Variants in LOXL3 observed in about 807,000 individuals in gnomAD.
The protein encoded by LOXL3 is lysyl oxidase like 3.
LOXL3 carries 60 observed loss-of-function variants against 91.8 expected under a neutral mutation model. The observed-to-expected ratio is 0.65, with a 90% CI of 0.53 to 0.81. LOXL3 has a LOEUF of 0.81. Among genes scored for constraint, LOXL3 ranks in the 30% least tolerant of loss-of-function variants. The pLI, the probability that LOXL3 is intolerant of heterozygous loss-of-function variation, is 0.00. For synonymous variants in LOXL3, 355 were observed against 387.6 expected, an observed-to-expected ratio of 0.92 and a Z score of 0.99; for missense variants, 874 against 1,000.4, an observed-to-expected ratio of 0.87 and a Z score of 1.70.
chr2:74,540,467 G>T (rs1676263767), intron 4 of LOXL3, among the ~76,000 whole-genome samples: 1 of 152,074 alleles, frequency 6.6e-6, no homozygotes, highest in Non-Finnish European at 1.5e-5. Flanking sequence ...CATTGTTCAG[G>T]CCTGAGGCCG....
Position 74,548,304 on chromosome 2 carries a change from T to A in LOXL3, c.692+1065A>T, listed in dbSNP as rs1182412395. Among the ~76,000 whole-genome samples the A allele has an allele frequency of 3.9e-5, 6 of 152,194 alleles. No individual in the cohort carries two copies. The East Asian group carries it at 1.2e-3, about 29-fold the overall frequency. On this transcript the variant is annotated intron_variant, in intron 4 of 13. Transcript: ENST00000264094. ...TCAAAACAAATGTAATAGGTAAACGTCACCTATACCTGGGTTGGAAAAGGC... is the reference window on the plus strand; with the variant it reads ...TCAAAACAAATGTAATAGGTAAACGACACCTATACCTGGGTTGGAAAAGGC...
Position 74,549,495 on chromosome 2 carries a change from A to T in LOXL3, c.566T>A (p.Val189Glu), listed in dbSNP as rs1367577170. 1 of 1,613,208 alleles carries T rather than the reference A, an allele frequency of 6.2e-7. No homozygotes were observed. Among genetic ancestry groups the T allele is most frequent in the Non-Finnish European group, 8.5e-7 (1 of 1,179,854 alleles). Residue 189 changes from valine to glutamate, a missense_variant, in exon 4 of 14, where the codon GTG becomes GAG. Physicochemically the swap from Val to Glu is moderately radical, Grantham distance 121. Coordinates refer to ENST00000264094, the MANE Select transcript of LOXL3 (RefSeq NM_032603.5). This position sits in a 1 kb window ranked among gnomAD's most constrained non-coding sequence, Gnocchi z 5.3. ...RRPLPVTEGLVEVRLPDGWSQ... is the reference protein window; with the variant it reads ...RRPLPVTEGLEEVRLPDGWSQ... Reference sequence around the variant, plus strand: ...CCAGCCGTCAGGAAGCCTGACTTCCACCAGCCCCTCCGTCACGGGCAGGGG... The same window carrying T: ...CCAGCCGTCAGGAAGCCTGACTTCCTCCAGCCCCTCCGTCACGGGCAGGGG...
upstream of LOXL3, chr2:74,555,302 G>A: frequency 6.2e-7 from 1 of 1,614,132 alleles, no homozygotes; most frequent in Non-Finnish European, 8.5e-7. This position sits in a 1 kb window ranked among gnomAD's most constrained non-coding sequence, Gnocchi z 6.1. Context: ...CTGGCTGAGT[G>A]TGTGAGTGTG....
At chr2:74,554,638 C>T (rs907128302), upstream of LOXL3, 3 of 983,300 alleles carry the variant, frequency 3.1e-6, no homozygotes, top group Admixed American at 5.0e-5. The surrounding 1 kb of genome is among the most constrained non-coding windows in gnomAD (Gnocchi z 4.9). Flanking sequence ...GCGACCCCCC[C>T]AGCGGCTGCC....
At position 74,535,175 on chromosome 2, in the gene LOXL3, C is replaced by A. The variant is rs974212323; in HGVS notation, c.1579+117G>T. ...TACAGGCGTGAGCCACTGCACCCGG[C>A]GAAACTGGCTCTTTTATGGGGAAGA... is the stretch of plus-strand genomic sequence containing the variant. On this transcript the variant is annotated intron_variant, in intron 9 of 13. Coordinates refer to ENST00000264094, the MANE Select transcript of LOXL3 (RefSeq NM_032603.5). The surrounding 1 kb of genome is among the most constrained non-coding windows in gnomAD (Gnocchi z 4.2). 3.3e-6 allele frequency: 4 copies of A among 1,221,296 alleles called. No homozygotes were observed. In the East Asian group the frequency reaches 1.0e-4, roughly 30 times the overall value. The allele number at this position is 1,221,296 out of a possible 1,614,324, so 75.7% of individuals were successfully genotyped here.
At position 74,552,623 on chromosome 2, in the gene LOXL3, G is replaced by A; in HGVS notation, c.12C>T (p.Val4=). 6.4e-7 allele frequency: 1 copy of A among 1,562,494 alleles called. No individual in the cohort carries two copies. Among genetic ancestry groups the A allele is most frequent in the Middle Eastern group, 1.7e-4 (1 of 5,942 alleles). The change falls in exon 2 of 14, where the codon GTC becomes GTT. Residue 4 remains valine, a synonymous_variant. Coordinates refer to ENST00000264094, the MANE Select transcript of LOXL3 (RefSeq NM_032603.5). ...CCCAGGGGCTCCACTGCCAGACACT[G>A]ACAGGTCGCATGGCAGGGAAGGCCT... MRP[V]SVWQWSPWGL... is the part of the protein sequence containing the mutation.
At chr2:74,548,223 A>C (rs2104435208) in intron 4 of LOXL3, among the ~76,000 whole-genome samples, 1 of 152,368 alleles carries the variant, frequency 6.6e-6, no homozygotes, top group Non-Finnish European at 1.5e-5. Flanking sequence ...TCACATCAGG[A>C]CTCAAGATAA....
At position 74,535,886 on chromosome 2, in the gene LOXL3, A is replaced by C. The variant is rs1381890744; in HGVS notation, c.1248+110T>G. On this transcript the variant is annotated intron_variant, in intron 7 of 13. Coordinates refer to ENST00000264094, the MANE Select transcript of LOXL3 (RefSeq NM_032603.5). This position sits in a 1 kb window ranked among gnomAD's most constrained non-coding sequence, Gnocchi z 4.2. ...AAGTGATGGGTCAGGTGGGAGCTGCAGGAGGGCAGGGGCCTGGGGCAATGG... is the reference window on the plus strand; with the variant it reads ...AAGTGATGGGTCAGGTGGGAGCTGCCGGAGGGCAGGGGCCTGGGGCAATGG... The C allele has an allele frequency of 6.8e-7, 1 of 1,475,938 alleles. No individual in the cohort carries two copies. Among genetic ancestry groups the C allele is most frequent in the Non-Finnish European group, 9.0e-7 (1 of 1,107,052 alleles). 91.4% of individuals were successfully genotyped at this position (1,475,938 alleles called of 1,614,324 possible). A position where few individuals can be genotyped will look rare whatever the true frequency, so the allele number is the denominator to read the frequency against.
chr2:74,532,523 A>G lies in LOXL3; in HGVS notation c.*1083T>C, dbSNP rs1204099658. On this transcript the variant is annotated 3_prime_UTR_variant, in exon 14 of 14. Coordinates refer to ENST00000264094, the MANE Select transcript of LOXL3 (RefSeq NM_032603.5). Reference sequence around the variant, plus strand: ...GTAGTACCTAGCCCATGTCCTGTCCATATATTTATCAATGTGTTGATGAGA... The same window carrying G: ...GTAGTACCTAGCCCATGTCCTGTCCGTATATTTATCAATGTGTTGATGAGA... 1.4e-5 allele frequency: 13 copies of G among 917,134 alleles called. No individual in the cohort carries two copies. The highest frequency in any genetic ancestry group is 2.1e-5 in the Non-Finnish European group (12 of 566,536). 56.8% of individuals were successfully genotyped at this position (917,134 alleles called of 1,614,324 possible).
At chr2:74,546,796 A>G (rs535269462) in intron 4 of LOXL3, among the ~76,000 whole-genome samples, 430 of 152,090 alleles carry the variant, frequency 2.8e-3, no homozygotes, top group Non-Finnish European at 5.0e-3. Context: ...AGCTCACCGC[A>G]ACCTCCGCCT....
At chr2:74,541,787 A>T (rs1189408862) in intron 4 of LOXL3, among the ~76,000 whole-genome samples, 1 of 151,062 alleles carries the variant, frequency 6.6e-6, no homozygotes, top group Non-Finnish European at 1.5e-5. Flanking sequence ...ATATATACAC[A>T]AACATATGTA....
At position 74,536,132 on chromosome 2, in the gene LOXL3, A is replaced by G; in HGVS notation, c.1112T>C (p.Leu371Pro). 1 of 1,613,894 alleles carries G rather than the reference A, an allele frequency of 6.2e-7. No homozygotes were observed. The highest frequency in any genetic ancestry group is 8.5e-7 in the Non-Finnish European group (1 of 1,180,024). ...CTGTCCAGAGCAGCGAACTTCACTCAGGTGGATAGCACCCATGCCTAGGGC... is the reference window on the plus strand; with the variant it reads ...CTGTCCAGAGCAGCGAACTTCACTCGGGTGGATAGCACCCATGCCTAGGGC... The part of the protein sequence containing the change: ...RMGQGMGAIH[L>P]SEVRCSGQEL... Residue 371 changes from leucine to proline, a missense_variant, in exon 7 of 14, where the codon CTG (leucine) becomes CCG (proline). Coordinates refer to ENST00000264094, the MANE Select transcript of LOXL3 (RefSeq NM_032603.5). The surrounding 1 kb of genome is among the most constrained non-coding windows in gnomAD (Gnocchi z 4.5).
Position 74,552,582 on chromosome 2 carries a change from A to AGCT in LOXL3, c.52_53insAGC (p.Cys17_Leu18insGln). 1 of 1,602,304 alleles carries AGCT rather than the reference A, an allele frequency of 6.2e-7. No homozygotes were observed. The highest frequency in any genetic ancestry group is 8.5e-7 in the Non-Finnish European group (1 of 1,172,376). ...AGACCCCAAGCACGAACTGCACAGC[A>AGCT]GGCACAGCAGCAGCCCCCAGGGGCT... On this transcript the variant is annotated inframe_insertion, in exon 2 of 14. Coordinates refer to ENST00000264094, the MANE Select transcript of LOXL3 (RefSeq NM_032603.5).
intron 1 of LOXL3, 76 bp from the exon 2 acceptor site, chr2:74,552,722 G>C: frequency 6.2e-6 from 8 of 1,293,094 alleles, no homozygotes; most frequent in South Asian, 1.5e-5. Context: ...AGAGGGAGAA[G>C]TCACGAAAGA....
chr2:74,535,669 G>T lies in LOXL3; in HGVS notation c.1335C>A (p.Ile445=). The T allele has an allele frequency of 6.2e-7, 1 of 1,613,116 alleles. No individual in the cohort carries two copies. Among genetic ancestry groups the T allele is most frequent in the East Asian group, 2.2e-5 (1 of 44,882 alleles). ...GGPGPLRWGL[I]CGDDWGTLEA... ...CCAGGGTCCCCCAGTCATCCCCACA[G>T]ATGAGGCCCCAGCGAAGGGGCCCAG... Residue 445 remains isoleucine, a synonymous_variant, in exon 8 of 14, where the codon ATC becomes ATA. Transcript: ENST00000264094. The surrounding 1 kb of genome is among the most constrained non-coding windows in gnomAD (Gnocchi z 4.2).
rs138622685 is a variant in LOXL3, at chr2:74,534,618, C to T, written c.1736G>A (p.Arg579Gln). 13 of 1,614,070 alleles carry T rather than the reference C, an allele frequency of 8.1e-6. No homozygotes were observed. Among genetic ancestry groups the T allele is most frequent in the African/African-American group, 6.7e-5 (5 of 74,930 alleles). Residue 579 changes from arginine to glutamine, a missense_variant, in exon 10 of 14, where the codon CGA (arginine) becomes CAA (glutamine). Arg to Gln is a conservative substitution (Grantham distance 43, BLOSUM62 1). Transcript: ENST00000264094. ...NWPYGHRRLL[R>Q]FSSQIHNLGR... ...CAGGTTGTGGATCTGGGAGGAGAAT[C>T]GGAGCAGACGCCGGTGACCATAGGG...
Position 74,549,419 on chromosome 2 carries a change from G to A in LOXL3, c.642C>T (p.Cys214=). 2 of 1,612,608 alleles carry A rather than the reference G, an allele frequency of 1.2e-6. No homozygotes were observed. Among genetic ancestry groups the A allele is most frequent in the South Asian group, 2.2e-5 (2 of 90,830 alleles). Residue 214 remains cysteine, a synonymous_variant, in exon 4 of 14, where the codon TGC becomes TGT. Coordinates refer to ENST00000264094, the MANE Select transcript of LOXL3 (RefSeq NM_032603.5). This position sits in a 1 kb window ranked among gnomAD's most constrained non-coding sequence, Gnocchi z 5.3. ...TTTCGCTGGGGAAGCCCAGCATCCC[G>A]CAGACCACGTGGCTGTTGTGGGCGC... is the stretch of plus-strand genomic sequence containing the variant. ...GWSAHNSHVV[C]GMLGFPSEKR... is the part of the protein sequence containing the mutation.
intron 4 of LOXL3, among the ~76,000 whole-genome samples, chr2:74,547,117 C>G (rs1676639242): frequency 6.6e-6 from 1 of 151,984 alleles, no homozygotes; most frequent in African/African-American, 2.4e-5. Flanking sequence ...CTCAAGCAAT[C>G]TTCCCACCTC....
At chr2:74,540,355 T>C (rs1676258817) in intron 4 of LOXL3, among the ~76,000 whole-genome samples, 1 of 152,188 alleles carries the variant, frequency 6.6e-6, no homozygotes, top group Non-Finnish European at 1.5e-5. Flanking sequence ...ATTGTTAAGA[T>C]TGCCAGACTG....
Sources: allele counts gnomAD v4.1 joint callset (sites outside exome capture counted in the v4.1 genomes callset), GRCh38; gene constraint gnomAD v4.1.1; non-coding constraint Gnocchi (gnomAD v3.1); transcripts MANE v1.5; gene names NCBI Gene and HGNC (gene_info 2026-07-23, HGNC 2026-07-21).